RAD51B: variants seen among roughly 807,000 people sequenced by gnomAD.
The protein encoded by RAD51B is DNA repair protein RAD51 homolog 2.
In RAD51B, 38 loss-of-function variants were observed where a neutral mutation model predicts 42.2. That is an observed-to-expected ratio of 0.90 (90% confidence interval 0.70 to 1.18). RAD51B has a LOEUF of 1.18. Among genes scored for constraint, RAD51B ranks in the 50% most tolerant of loss-of-function variants. The pLI is 0.00. For synonymous variants in RAD51B, 154 were observed against 145.2 expected (o/e 1.06, Z -0.43); for missense variants, 373 against 400.7 (o/e 0.93, Z 0.59).
chr14:67,970,975 G>A (rs1338862621), intron 7 of RAD51B, among the ~76,000 whole-genome samples: 1 of 152,088 alleles, frequency 6.6e-6, no homozygotes, highest in African/African-American at 2.4e-5. Flanking sequence ...AGTGTTTGCT[G>A]TATATTTTCT....
At chr14:68,578,126 A>G (rs1241688021) in intron 10 of RAD51B, among the ~76,000 whole-genome samples, 1 of 152,262 alleles carries the variant, frequency 6.6e-6, no homozygotes, top group East Asian at 1.9e-4. Context: ...AAAGAAAAGC[A>G]AAGATAAAGA....
intron 7 of RAD51B, among the ~76,000 whole-genome samples, chr14:67,941,354 T>C (rs911673773): frequency 7.2e-5 from 11 of 152,228 alleles, no homozygotes; most frequent in African/African-American, 2.7e-4. Context: ...TAAGGTTACC[T>C]GACACCCTTG....
chr14:68,265,325 G>A (rs2080969188), intron 7 of RAD51B, among the ~76,000 whole-genome samples: 1 of 152,154 alleles, frequency 6.6e-6, no homozygotes, highest in Admixed American at 6.5e-5. Flanking sequence ...TAAATGTTAG[G>A]TCCCCTAGTG....
At chr14:68,528,916 GTC>G (rs1235329736) in intron 10 of RAD51B, among the ~76,000 whole-genome samples, 1 of 152,194 alleles carries the variant, frequency 6.6e-6, no homozygotes, top group African/African-American at 2.4e-5. Flanking sequence ...CTTGCTCCCA[GTC>G]TCTCAGTTAG....
chr14:68,477,843 G>A lies in RAD51B; in HGVS notation c.*179G>A, dbSNP rs1167341989. ...GAGCTAGCGATTTCAGACCTAGCAG[G>A]GAAGGTGAAGATGAAGAAGCCTTTG... On this transcript the variant is annotated 3_prime_UTR_variant, in exon 11 of 11. Transcript: ENST00000471583. 3 of 1,434,012 alleles carry A rather than the reference G, an allele frequency of 2.1e-6. No individual in the cohort carries two copies. The highest frequency in any genetic ancestry group is 3.0e-5 in the Admixed American group (1 of 33,688). The allele number at this position is 1,434,012 out of a possible 1,614,324, so 88.8% of individuals were successfully genotyped here.
chr14:68,091,606 T>C (rs1283208307), intron 7 of RAD51B, among the ~76,000 whole-genome samples: 1 of 152,344 alleles, frequency 6.6e-6, no homozygotes, highest in South Asian at 2.1e-4. Context: ...TAGCCCTTTG[T>C]CAGATGAGTA....
chr14:68,262,371 G>A (rs2080907951), intron 7 of RAD51B, among the ~76,000 whole-genome samples: 1 of 152,146 alleles, frequency 6.6e-6, no homozygotes, highest in Non-Finnish European at 1.5e-5. Flanking sequence ...GCTACCTTGG[G>A]AGGCATTCCC....
chr14:67,936,687 G>T (rs1329456800), intron 7 of RAD51B, among the ~76,000 whole-genome samples: 1 of 152,164 alleles, frequency 6.6e-6, no homozygotes, highest in Non-Finnish European at 1.5e-5. Flanking sequence ...CTTTTCCAAA[G>T]TCCTACCAGC....
At chr14:68,044,657 T>G (rs2076270110) in intron 7 of RAD51B, among the ~76,000 whole-genome samples, 1 of 152,224 alleles carries the variant, frequency 6.6e-6, no homozygotes, top group African/African-American at 2.4e-5. Context: ...GTCCTTGTCC[T>G]TGTTACTTTA....
intron 8 of RAD51B, among the ~76,000 whole-genome samples, chr14:68,364,970 C>T (rs1019476906): frequency 1.3e-5 from 2 of 152,166 alleles, no homozygotes; most frequent in Admixed American, 6.5e-5. Context: ...GGCAGAGAGA[C>T]GCCCATGTCT....
chr14:68,232,122 A>C (rs753640383), intron 7 of RAD51B, among the ~76,000 whole-genome samples: 2 of 152,236 alleles, frequency 1.3e-5, no homozygotes, highest in Non-Finnish European at 2.9e-5. Flanking sequence ...TCCTGACATC[A>C]GTAAAATATT....
chr14:68,088,328 TTTAC>T (rs2077032680), intron 7 of RAD51B, among the ~76,000 whole-genome samples: 3 of 151,860 alleles, frequency 2.0e-5, no homozygotes, highest in South Asian at 2.1e-4. Context: ...ATAAATCAAA[TTTAC>T]TTACTTACTT....
At chr14:67,958,517 G>T (rs2074596472) in intron 7 of RAD51B, among the ~76,000 whole-genome samples, 1 of 152,210 alleles carries the variant, frequency 6.6e-6, no homozygotes, top group African/African-American at 2.4e-5. Context: ...ACCACCAAGT[G>T]CTTGTCAAAT....
At chr14:68,496,833 C>A (rs1884559427) in intron 10 of RAD51B, among the ~76,000 whole-genome samples, 1 of 152,214 alleles carries the variant, frequency 6.6e-6, no homozygotes. Flanking sequence ...ATGACAGTTC[C>A]ATCAACAGAC....
intron 7 of RAD51B, among the ~76,000 whole-genome samples, chr14:67,930,631 T>A (rs1348809676): frequency 6.6e-6 from 1 of 152,214 alleles, no homozygotes; most frequent in Non-Finnish European, 1.5e-5. Context: ...TTTCTCCTTG[T>A]CATTGACTTT....
chr14:68,654,769 A>T (rs1395802927), intron 11 of RAD51B, among the ~76,000 whole-genome samples: 3 of 152,004 alleles, frequency 2.0e-5, no homozygotes, highest in African/African-American at 7.2e-5. Flanking sequence ...CCTGCAAGTT[A>T]TTTTTTTCAG....
downstream of RAD51B, among the ~76,000 whole-genome samples, chr14:68,613,517 G>A (rs1304420333): frequency 6.0e-5 from 9 of 149,560 alleles, no homozygotes; most frequent in Non-Finnish European, 8.9e-5. Context: ...GCAGTGGCAC[G>A]ATCTCAGCTC....
intron 2 of RAD51B, 44 bp from the exon 3 acceptor site, chr14:67,825,420 T>C: frequency 7.2e-7 from 1 of 1,380,698 alleles, no homozygotes; most frequent in Non-Finnish European, 1.0e-6. Flanking sequence ...CTAGTATCTT[T>C]GTTACACATA....
rs78894790 is a variant in RAD51B at position 67,836,290 on chromosome 14, T to C, written c.315+1094T>C. On this transcript the variant is annotated intron_variant, in intron 4 of 10. Coordinates refer to ENST00000471583, the MANE Select transcript of RAD51B (RefSeq NM_133510.4). ...GGCCACAGTGCCTCACCAGGTAGGC[T>C]CTCCACAGGCTTCTTGAGTCTTATG... is the stretch of plus-strand genomic sequence containing the variant. 7.3e-3 allele frequency among the ~76,000 whole-genome samples: 1,117 copies of C among 152,176 alleles called. 10 individuals carry two copies. The highest frequency in any genetic ancestry group is 0.026 in the African/African-American group (1,083 of 41,496).
Sources: allele counts gnomAD v4.1 joint callset (sites outside exome capture counted in the v4.1 genomes callset), GRCh38; gene constraint gnomAD v4.1.1; transcripts MANE v1.5; gene names NCBI Gene and HGNC (gene_info 2026-07-23, HGNC 2026-07-21).